Variants in DAB1 observed in about 807,000 individuals in gnomAD.
The protein encoded by DAB1 is disabled homolog 1.
DAB1 carries 15 observed loss-of-function variants against 64.6 expected under a neutral mutation model. The observed-to-expected ratio is 0.23, with a 90% CI of 0.16 to 0.36. The LOEUF (loss-of-function observed/expected upper bound fraction) is 0.36. Ranked by LOEUF, DAB1 falls within the 10% of genes least tolerant of loss-of-function variation. The pLI is 1.00. For synonymous variants in DAB1, 235 were observed against 251.9 expected (o/e 0.93, Z 0.64); for missense variants, 596 against 706.7 (o/e 0.84, Z 1.78).
At chr1:57,944,227 T>A (rs182024877) in intron 5 of DAB1, among the ~76,000 whole-genome samples, 2 of 152,216 alleles carry the variant, frequency 1.3e-5, no homozygotes, top group African/African-American at 4.8e-5. Flanking sequence ...CTTTCACCTG[T>A]CCTGTTTGGT....
At chr1:58,090,693 T>C (rs1399201943) in intron 5 of DAB1, among the ~76,000 whole-genome samples, 1 of 152,278 alleles carries the variant, frequency 6.6e-6, no homozygotes, top group East Asian at 1.9e-4. Flanking sequence ...ACTACTCATT[T>C]AGGGAGGGAC....
At chr1:57,029,475 G>GC (rs1646899584) in intron 9 of DAB1, among the ~76,000 whole-genome samples, 1 of 152,152 alleles carries the variant, frequency 6.6e-6, no homozygotes, top group African/African-American at 2.4e-5. Context: ...TGAGAATAGG[G>GC]CCACTGTCCT....
intron 4 of DAB1, among the ~76,000 whole-genome samples, chr1:58,319,843 A>C (rs534015700): frequency 4.6e-5 from 7 of 152,312 alleles, no homozygotes; most frequent in African/African-American, 1.7e-4. Context: ...AACTTGTTGT[A>C]ACTTTCTCTA....
At chr1:57,858,484 G>A (rs918507170) in intron 1 of DAB1, among the ~76,000 whole-genome samples, 2 of 151,698 alleles carry the variant, frequency 1.3e-5, no homozygotes, top group East Asian at 3.9e-4. Flanking sequence ...TGATTTCCCT[G>A]AACTCTGTGA....
intron 2 of DAB1, among the ~76,000 whole-genome samples, chr1:57,203,677 C>T (rs1665292162): frequency 6.6e-6 from 1 of 152,188 alleles, no homozygotes; most frequent in Non-Finnish European, 1.5e-5. Context: ...GGTGATAGTG[C>T]TCATTGCTTT....
chr1:57,545,537 C>T (rs1644846987), intron 7 of DAB1, among the ~76,000 whole-genome samples: 1 of 152,120 alleles, frequency 6.6e-6, no homozygotes, highest in South Asian at 2.1e-4. Flanking sequence ...TTGCTCTTCC[C>T]CCTTCAAATG....
At chr1:58,335,650 G>A (rs796419130) in intron 4 of DAB1, among the ~76,000 whole-genome samples, 4 of 151,772 alleles carry the variant, frequency 2.6e-5, no homozygotes, top group African/African-American at 7.3e-5. Flanking sequence ...TTGGTGTTTG[G>A]GGGCAGGGTG....
At chr1:57,883,804 A>C (rs1644182321) in intron 1 of DAB1, among the ~76,000 whole-genome samples, 1 of 152,228 alleles carries the variant, frequency 6.6e-6, no homozygotes, top group South Asian at 2.1e-4. Context: ...TCCGCTGGCT[A>C]CCGCCTCATT....
In DAB1 at chr1:56,997,470, G is replaced by A. The variant is rs1161817357; in HGVS notation, c.*674C>T. On this transcript the variant is annotated 3_prime_UTR_variant, in exon 15 of 15. Transcript: ENST00000371236. ...ATTTCAAGTTAATTCATTTCACTGA[G>A]GCTTTTTTTCTCCCCAGTTAGATTT... The A allele has an allele frequency of 6.6e-6, 1 of 152,020 alleles. No homozygotes were observed. The highest frequency in any genetic ancestry group is 1.5e-5 in the Non-Finnish European group (1 of 68,028). The allele number at this position is 152,020 out of a possible 1,614,324, so 9.4% of individuals were successfully genotyped here.
At chr1:57,111,019 C>T (rs1476802587) in intron 4 of DAB1, among the ~76,000 whole-genome samples, 1 of 151,782 alleles carries the variant, frequency 6.6e-6, no homozygotes, top group Non-Finnish European at 1.5e-5. Context: ...GAAGAATATG[C>T]TTAGAATAAC....
At chr1:57,888,158 G>C (rs545310854), upstream of DAB1, among the ~76,000 whole-genome samples, 2 of 152,108 alleles carry the variant, frequency 1.3e-5, no homozygotes, top group East Asian at 1.9e-4. Context: ...TTCTTTGAGG[G>C]GGGATGGGCA....
chr1:58,200,125 C>T (rs554573486), intron 4 of DAB1, among the ~76,000 whole-genome samples: 1 of 152,270 alleles, frequency 6.6e-6, no homozygotes, highest in East Asian at 1.9e-4. Context: ...CACTGGTGAG[C>T]ACTGGCAACT....
chr1:58,516,993 A>T (rs1278801829), intron 2 of DAB1, among the ~76,000 whole-genome samples: 3 of 152,174 alleles, frequency 2.0e-5, no homozygotes, highest in African/African-American at 4.8e-5. Context: ...CATGATTTGA[A>T]TGCTACAATG....
At chr1:58,202,260 T>C (rs1658037089) in intron 4 of DAB1, among the ~76,000 whole-genome samples, 1 of 152,242 alleles carries the variant, frequency 6.6e-6, no homozygotes, top group African/African-American at 2.4e-5. Context: ...TCTTTCCAAA[T>C]AGCCATATAT....
Position 58,272,682 on chromosome 1 carries a change from C to G in DAB1, n.309+70670G>C, listed in dbSNP as rs969730142. ...TCTAAGTCTCTTTGTAGGTCACTCA[C>G]GACTTGCTTTATGAATCTGGGTGCT... is the stretch of plus-strand genomic sequence containing the variant. On this transcript the variant is annotated intron_variant and non_coding_transcript_variant, in intron 4 of 20. Transcript: ENST00000485760. Among the ~76,000 whole-genome samples the G allele has an allele frequency of 6.0e-5, 9 of 149,326 alleles. No homozygotes were observed. In the South Asian group the frequency reaches 6.5e-4, roughly 11 times the overall value.
chr1:57,255,030 C>T (rs1338352331), intron 2 of DAB1, among the ~76,000 whole-genome samples: 2 of 151,992 alleles, frequency 1.3e-5, no homozygotes, highest in African/African-American at 4.8e-5. Context: ...TGTTGAATCC[C>T]CAACATTCAA....
intron 3 of DAB1, among the ~76,000 whole-genome samples, chr1:58,479,318 T>C (rs1490816795): frequency 3.3e-5 from 5 of 152,200 alleles, no homozygotes; most frequent in South Asian, 2.1e-4. Context: ...ATATGGAGAA[T>C]AGTTAATATG....
At chr1:58,396,867 C>A (rs1205977332) in intron 3 of DAB1, among the ~76,000 whole-genome samples, 1 of 152,030 alleles carries the variant, frequency 6.6e-6, no homozygotes, top group Admixed American at 6.5e-5. Context: ...TCAAGACCAT[C>A]CTGGCTAACA....
chr1:57,273,861 C>G (rs1671249572), intron 2 of DAB1, among the ~76,000 whole-genome samples: 1 of 151,948 alleles, frequency 6.6e-6, no homozygotes, highest in Non-Finnish European at 1.5e-5. Flanking sequence ...GAAAGAAGAC[C>G]TTCAAGGCCC....
Sources: gnomAD v4.1 joint callset for allele counts (sites outside exome capture counted in the v4.1 genomes callset) on GRCh38, gnomAD v4.1.1 for gene constraint, MANE v1.5 for transcripts, NCBI Gene and HGNC (gene_info 2026-07-23, HGNC 2026-07-21) for gene names.